PRSS36: variants seen among roughly 807,000 people sequenced by gnomAD.
The protein encoded by PRSS36 is serine protease 36.
A neutral mutation model predicts 94.3 loss-of-function variants in PRSS36; 90 were observed. The ratio of observed to expected loss-of-function variants is 0.95; its 90% confidence interval spans 0.80 to 1.14. The LOEUF (loss-of-function observed/expected upper bound fraction) is 1.14. Ranked by LOEUF, PRSS36 falls within the 50% of genes most tolerant of loss-of-function variation. PRSS36 has a pLI of 0.00. For synonymous variants in PRSS36, 500 were observed against 489.6 expected (o/e 1.02, Z -0.28); for missense variants, 1,158 against 1,135.0 (o/e 1.02, Z -0.29).
intron 5 of PRSS36, among the ~76,000 whole-genome samples, chr16:31,146,929 C>T (rs2057806527): frequency 6.6e-6 from 1 of 152,116 alleles, no homozygotes; most frequent in South Asian, 2.1e-4. Context: ...TTGCAGTGAG[C>T]CTAGATCGCG....
At position 31,140,412 on chromosome 16, in the gene PRSS36, G is replaced by T; in HGVS notation, c.2171C>A (p.Pro724His). 2 of 1,613,554 alleles carry T rather than the reference G, an allele frequency of 1.2e-6. No individual in the cohort carries two copies. Among genetic ancestry groups the T allele is most frequent in the Non-Finnish European group, 1.7e-6 (2 of 1,179,754 alleles). The change falls in exon 14 of 15, where the codon CCT becomes CAT. Residue 724 changes from proline to histidine, a missense_variant. Physicochemically the swap from Pro to His is moderately conservative, Grantham distance 77. Coordinates refer to ENST00000268281, the MANE Select transcript of PRSS36 (RefSeq NM_173502.5). Reference sequence around the variant, plus strand: ...CAAGATGGAGACAGCAGCAGCCACAGGGACTGGGGAGAGGAGACAAAGTTG... The same window carrying T: ...CAAGATGGAGACAGCAGCAGCCACATGGACTGGGGAGAGGAGACAAAGTTG... ...LGWKEPQDRV[P>H]VAAAVSILTQ...
intron 6 of PRSS36, among the ~76,000 whole-genome samples, chr16:31,145,423 A>G (rs936712247): frequency 6.6e-6 from 1 of 151,094 alleles, no homozygotes; most frequent in Non-Finnish European, 1.5e-5. Flanking sequence ...TAAATTAAAT[A>G]AATAAATAAA....
chr16:31,145,748 G>A (rs1254556264), intron 6 of PRSS36, 41 bp downstream of exon 6: 2 of 1,589,658 alleles, frequency 1.3e-6, no homozygotes, highest in Non-Finnish European at 1.7e-6. Flanking sequence ...CACTGGTTAG[G>A]ACTCTGGCCC....
At chr16:31,142,382 T>A in intron 10 of PRSS36, 99 bp downstream of exon 10, 1 of 1,232,284 alleles carries the variant, frequency 8.1e-7, no homozygotes, top group Non-Finnish European at 1.1e-6. Context: ...GGCCCCGCCC[T>A]CTCCCTAGAG....
chr16:31,145,776 G>A lies in PRSS36; in HGVS notation c.720+13C>T. 2 of 1,610,072 alleles carry A rather than the reference G, an allele frequency of 1.2e-6. No individual in the cohort carries two copies. The highest frequency in any genetic ancestry group is 1.7e-6 in the Non-Finnish European group (2 of 1,178,534). ...TCTGGCCCTGCCAGGCAGGTGCCGG[G>A]GCCTTCCCTCACCTGGCAGGTGTCC... On this transcript the variant is annotated intron_variant, in intron 6 of 14. Transcript: ENST00000268281.
Position 31,140,724 on chromosome 16 carries a change from C to T in PRSS36, c.1935G>A (p.Val645=), listed in dbSNP as rs375477100. 6.7e-5 allele frequency: 108 copies of T among 1,613,978 alleles called. No individual in the cohort carries two copies. Among genetic ancestry groups the T allele is most frequent in the Admixed American group, 1.2e-4 (7 of 59,988 alleles). The change falls in exon 13 of 15, where the codon GTG becomes GTA. Residue 645 remains valine (V), a synonymous_variant. Transcript: ENST00000268281. ...AGCTGGCCCCTGCCCGGCCCAGATA[C>T]ACTTCAATGTAAGGCACTGTTGTAG... The part of the protein sequence containing the change: ...PGSTTVPYIE[V]YLGRAGASSL...
chr16:31,143,620 G>A lies in PRSS36; in HGVS notation c.938C>T (p.Pro313Leu). The A allele has an allele frequency of 6.2e-7, 1 of 1,614,176 alleles. No homozygotes were observed. The highest frequency in any genetic ancestry group is 8.5e-7 in the Non-Finnish European group (1 of 1,180,018). ...PQKTQSDPQE[P>L]REENCTIALP... ...GGCAATGGTGCAGTTCTCCTCCCTG[G>A]GCTCCTGGGGATCTGACTGGGTCTT... The change falls in exon 7 of 15, where the codon CCC (proline) becomes CTC (leucine). Residue 313 changes from proline (P) to leucine (L), a missense_variant. By Grantham distance (98) the Pro-to-Leu change is moderately conservative (BLOSUM62 -3). Coordinates refer to ENST00000268281, the MANE Select transcript of PRSS36 (RefSeq NM_173502.5).
intron 4 of PRSS36, 122 bp from the exon 5 acceptor site, chr16:31,148,797 C>T: frequency 7.4e-7 from 1 of 1,358,842 alleles, no homozygotes. Flanking sequence ...GGTGCTGATA[C>T]TCCTCAAAGG....
In PRSS36 at chr16:31,149,137, G is replaced by C. The variant is rs1343652213; in HGVS notation, c.208C>G (p.His70Asp). 6.3e-7 allele frequency: 1 copy of C among 1,582,302 alleles called. No individual in the cohort carries two copies. Among genetic ancestry groups the C allele is most frequent in the Non-Finnish European group, 8.6e-7 (1 of 1,165,554 alleles). The change falls in exon 4 of 15, where the codon CAC becomes GAC. Residue 70 changes from histidine to aspartate, a missense_variant. Physicochemically the swap from His to Asp is moderately conservative, Grantham distance 81. Coordinates refer to ENST00000268281, the MANE Select transcript of PRSS36 (RefSeq NM_173502.5). ...GCGATGAGGGAGCCCCCGCAGATGT[G>C]GCCACCTCCATGGTGCAGGCTCACT... ...WQVSLHHGGG[H>D]ICGGSLIAPS...
rs1010519292 is a variant in PRSS36, at chr16:31,143,716, G to T, written c.842C>A (p.Thr281Asn). 12 of 1,613,962 alleles carry T rather than the reference G, an allele frequency of 7.4e-6. No individual in the cohort carries two copies. Among genetic ancestry groups the T allele is most frequent in the Admixed American group, 1.7e-5 (1 of 59,992 alleles). Residue 281 changes from threonine (T) to asparagine (N), a missense_variant, in exon 7 of 15, where the codon ACC becomes AAC. By Grantham distance (65) the Thr-to-Asn change is moderately conservative. Transcript: ENST00000268281. ...CTGCTCCCGTATCCATGCCTCATAG[G>T]TAGCCACAGCAGTGAAAACTCCAGG... The part of the protein sequence containing the change: ...NRPGVFTAVA[T>N]YEAWIREQVM...
Position 31,139,269 on chromosome 16 carries a change from G to A in PRSS36, c.2437C>T (p.Leu813=), listed in dbSNP as rs369428314. 32 of 1,614,028 alleles carry A rather than the reference G, an allele frequency of 2.0e-5. No homozygotes were observed. Among genetic ancestry groups the A allele is most frequent in the African/African-American group, 2.7e-5 (2 of 74,940 alleles). ...CAGTGTGGGGAGCCACTGGGGGGCA[G>A]GAAGTTGGCCTCTCCCACTGTCTGG... ...ISQTVGEANF[L]PPSGSPHWPT... Residue 813 remains leucine (L), a synonymous_variant, in exon 15 of 15, where the codon CTG becomes TTG. Transcript: ENST00000268281.
rs1389154676 is a variant in PRSS36, at chr16:31,145,858, G to A, written c.651C>T (p.Asn217=). The A allele has an allele frequency of 1.2e-6, 2 of 1,614,152 alleles. No individual in the cohort carries two copies. The highest frequency in any genetic ancestry group is 1.1e-5 in the South Asian group (1 of 91,086). Residue 217 remains asparagine, a synonymous_variant, in exon 6 of 15, where the codon AAC becomes AAT. Coordinates refer to ENST00000268281, the MANE Select transcript of PRSS36 (RefSeq NM_173502.5). ...QCLYSQPGPF[N]LTLQILPGML... is the part of the protein sequence containing the mutation. The stretch of plus-strand genomic sequence containing the variant: ...TCCCTGGCAATATCTGGAGAGTGAG[G>A]TTGAAGGGACCGGGCTGGCTGTAGA...
At chr16:31,147,385 C>T (rs2144043258) in intron 5 of PRSS36, among the ~76,000 whole-genome samples, 1 of 152,282 alleles carries the variant, frequency 6.6e-6, no homozygotes, top group South Asian at 2.1e-4. Context: ...AGTGACGCTT[C>T]CTCATCACCT....
At chr16:31,145,372 CAAAA>C (rs376926791) in intron 6 of PRSS36, among the ~76,000 whole-genome samples, 1 of 44,650 alleles carries the variant, frequency 2.2e-5, no homozygotes, top group Non-Finnish European at 4.3e-5. Context: ...GACTCCGTCT[CAAAA>C]AAAAAAAAAA....
intron 14 of PRSS36, among the ~76,000 whole-genome samples, chr16:31,140,059 C>CG (rs1249236763): frequency 4.9e-5 from 7 of 143,458 alleles, no homozygotes; most frequent in African/African-American, 1.8e-4. Context: ...GGCGTAGTAG[C>CG]GGGTGCCTGT....
chr16:31,143,239 C>A (rs1273790382), intron 8 of PRSS36, 103 bp downstream of exon 8: 10 of 1,495,618 alleles, frequency 6.7e-6, no homozygotes, highest in African/African-American at 1.4e-5. Flanking sequence ...GAATGGGACC[C>A]CGCCCCCCCC....
intron 14 of PRSS36, among the ~76,000 whole-genome samples, 195 bp downstream of exon 14, chr16:31,140,099 G>C (rs2057659114): frequency 6.6e-6 from 1 of 151,350 alleles, no homozygotes; most frequent in Admixed American, 6.6e-5. Flanking sequence ...GCTGAGGCAG[G>C]AGAATGGCAT....
In PRSS36 at chr16:31,141,808, G is replaced by C. The variant is rs1250516287; in HGVS notation, c.1674C>G (p.Tyr558Ter). Residue 558 changes from tyrosine to a stop codon, truncating the protein, a stop_gained, in exon 11 of 15, where the codon TAC (tyrosine) becomes TAG (stop). Coordinates refer to ENST00000268281, the MANE Select transcript of PRSS36 (RefSeq NM_173502.5). LOFTEE classifies it high-confidence loss of function. The stretch of plus-strand genomic sequence containing the variant: ...AATCCCAGGCTAGCTGGTCCTCCAG[G>C]TAGGCTCCCCGAGTCACATGGCTGA... ...PWISHVTRGA[Y>*]LEDQLAWDWG... 6.8e-6 allele frequency: 11 copies of C among 1,614,060 alleles called. No individual in the cohort carries two copies. The highest frequency in any genetic ancestry group is 9.3e-6 in the Non-Finnish European group (11 of 1,180,030).
intron 7 of PRSS36, 21 bp from the exon 8 acceptor site, chr16:31,143,492 G>A (rs1224109163): frequency 6.2e-7 from 1 of 1,605,240 alleles, no homozygotes; most frequent in South Asian, 1.1e-5. Flanking sequence ...AGAGGCCTGG[G>A]TCAGTGGGCC....
Sources: allele counts gnomAD v4.1 joint callset (sites outside exome capture counted in the v4.1 genomes callset), GRCh38; gene constraint gnomAD v4.1.1; transcripts MANE v1.5; gene names NCBI Gene and HGNC (gene_info 2026-07-23, HGNC 2026-07-21).